The following CASD1 variants were observed in gnomAD, a reference collection of about 807,000 sequenced individuals.
The protein encoded by CASD1 is N-acetylneuraminate (7)9-O-acetyltransferase.
CASD1 carries 41 observed loss-of-function variants against 100.0 expected under a neutral mutation model. The observed-to-expected ratio is 0.41, with a 90% CI of 0.32 to 0.53. The LOEUF is 0.53. Among genes scored for constraint, CASD1 ranks in the 20% least tolerant of loss-of-function variants. CASD1 has a pLI of 0.25. For missense variants in CASD1, 774 were observed against 948.7 expected (o/e 0.82, Z 2.42); for synonymous variants, 321 against 315.6 (o/e 1.02, Z -0.18).
At chr7:94,603,249 T>A in the CASD1 span, 4 of 1,539,430 alleles carry the variant, frequency 2.6e-6, no homozygotes, top group East Asian at 4.5e-5. Context: ...TCCAGCCACA[T>A]TATTTTTAAC....
the CASD1 span, among the ~76,000 whole-genome samples, chr7:94,591,046 C>T: frequency 6.6e-6 from 1 of 151,994 alleles, no homozygotes; most frequent in Non-Finnish European, 1.5e-5. Flanking sequence ...TTCATCCCGA[C>T]GATTATATTC....
intron 8 of CASD1, among the ~76,000 whole-genome samples, chr7:94,536,501 C>A (rs1453668731): frequency 6.6e-6 from 1 of 152,074 alleles, no homozygotes; most frequent in Admixed American, 6.6e-5. Context: ...TGGTTTTGTT[C>A]TTCTCCTGCA....
intron 1 of CASD1, among the ~76,000 whole-genome samples, chr7:94,515,356 A>C (rs1793924447): frequency 6.6e-6 from 1 of 152,056 alleles, no homozygotes; most frequent in Non-Finnish European, 1.5e-5. Context: ...AGTATTCTCT[A>C]AAAACTGTGT....
the CASD1 span, chr7:94,618,850 C>T: frequency 6.2e-7 from 1 of 1,614,052 alleles, no homozygotes; most frequent in Non-Finnish European, 8.5e-7. Flanking sequence ...CTGGCTGCCA[C>T]ACATTTTTCA....
chr7:94,618,442 C>T, the CASD1 span: 3 of 251,570 alleles, frequency 1.2e-5, no homozygotes, highest in African/African-American at 2.3e-5. Context: ...ATAACTGGGG[C>T]GTCAATTTCC....
chr7:94,565,812 G>C, the CASD1 span, among the ~76,000 whole-genome samples: 2 of 152,140 alleles, frequency 1.3e-5, no homozygotes, highest in African/African-American at 4.8e-5. Context: ...GGGTTCCCTA[G>C]AAGCAGACAG....
chr7:94,528,150 C>A, intron 4 of CASD1, 38 bp from the exon 5 acceptor site: 3 of 1,391,674 alleles, frequency 2.2e-6, no homozygotes, highest in African/African-American at 2.9e-5. Flanking sequence ...TTAAGAGTTT[C>A]TTCAACTTTT....
intron 3 of CASD1, among the ~76,000 whole-genome samples, chr7:94,526,636 T>C (rs553202175): frequency 1.3e-5 from 2 of 152,170 alleles, no homozygotes; most frequent in South Asian, 4.2e-4. Flanking sequence ...AAAAATTTTT[T>C]TAAAAAATTA....
intron 10 of CASD1, among the ~76,000 whole-genome samples, chr7:94,539,668 CAA>C (rs71120400): frequency 8.4e-5 from 10 of 119,728 alleles, no homozygotes; most frequent in Admixed American, 2.4e-4. Flanking sequence ...GACTCCGTCT[CAA>C]AAAAAAAAAA....
chr7:94,565,260 C>A, the CASD1 span, among the ~76,000 whole-genome samples: 244 of 152,128 alleles, frequency 1.6e-3, no homozygotes, highest in African/African-American at 5.7e-3. Flanking sequence ...TGTATATTCC[C>A]AACCCATGTT....
At chr7:94,570,477 GA>G in the CASD1 span, among the ~76,000 whole-genome samples, 1 of 151,974 alleles carries the variant, frequency 6.6e-6, no homozygotes, top group Non-Finnish European at 1.5e-5. Context: ...CAATAATATA[GA>G]TTTATGTTTT....
chr7:94,609,197 A>C, the CASD1 span, among the ~76,000 whole-genome samples: 3 of 152,332 alleles, frequency 2.0e-5, no homozygotes, highest in East Asian at 5.8e-4. Flanking sequence ...TATACAAAAA[A>C]CACTTAAAAC....
chr7:94,515,789 T>A (rs533080627), intron 1 of CASD1, among the ~76,000 whole-genome samples: 1 of 152,256 alleles, frequency 6.6e-6, no homozygotes, highest in African/African-American at 2.4e-5. Flanking sequence ...CCTTAAAGGA[T>A]TAACACCTAG....
the CASD1 span, chr7:94,585,655 C>G: frequency 1.5e-6 from 1 of 659,076 alleles, no homozygotes; most frequent in Non-Finnish European, 2.8e-6. Flanking sequence ...CATTATTTCT[C>G]TGTATTTGGT....
the CASD1 span, chr7:94,588,064 C>T: frequency 7.5e-7 from 1 of 1,338,060 alleles, no homozygotes; most frequent in African/African-American, 1.5e-5. Flanking sequence ...AGAAGACAAT[C>T]ATGAATAAGT....
Position 94,536,228 on chromosome 7 carries a change from G to C in CASD1, c.843+705G>C, listed in dbSNP as rs146943577. 6.9e-4 allele frequency among the ~76,000 whole-genome samples: 105 copies of C among 152,248 alleles called. 1 individual carries two copies. In the East Asian group the frequency reaches 0.018, roughly 27 times the overall value. On this transcript the variant is annotated intron_variant, in intron 8 of 17. Coordinates refer to ENST00000297273, the MANE Select transcript of CASD1 (RefSeq NM_022900.5). ...ACTGCACTCCAGCCTGGGTGACAGA[G>C]AGAGACTCCATCTCAAGAAAAGAAA...
At chr7:94,562,578 T>G in the CASD1 span, among the ~76,000 whole-genome samples, 26 of 152,158 alleles carry the variant, frequency 1.7e-4, no homozygotes, top group Non-Finnish European at 2.2e-4. Context: ...CCGAAAGTTC[T>G]CCTTATCCTG....
At chr7:94,619,152 A>G in the CASD1 span, 1 of 574,618 alleles carries the variant, frequency 1.7e-6, no homozygotes, top group Non-Finnish European at 3.1e-6. Context: ...ACAGAACTTT[A>G]TCTACAATAT....
chr7:94,541,711 A>G (rs911614735), intron 10 of CASD1, among the ~76,000 whole-genome samples: 1 of 151,960 alleles, frequency 6.6e-6, no homozygotes, highest in African/African-American at 2.4e-5. Context: ...GCATATTCTT[A>G]ATACTAAACT....
Sources: gnomAD v4.1 joint callset for allele counts (sites outside exome capture counted in the v4.1 genomes callset) on GRCh38, gnomAD v4.1.1 for gene constraint, MANE v1.5 for transcripts, NCBI Gene and HGNC (gene_info 2026-07-23, HGNC 2026-07-21) for gene names.